CREBBP: variants seen among roughly 807,000 people sequenced by gnomAD.
The protein encoded by CREBBP is CREB-binding protein.
CREBBP carries 19 observed loss-of-function variants against 265.0 expected under a neutral mutation model. That is an observed-to-expected ratio of 0.07 (90% CI 0.05 to 0.11). CREBBP has a LOEUF of 0.11. Ranked by LOEUF, CREBBP falls within the 10% of genes least tolerant of loss-of-function variation. The pLI is 1.00. For missense variants in CREBBP, 2,525 were observed against 3,219.0 expected (o/e 0.78, Z 5.22); for synonymous variants, 1,457 against 1,223.7 (o/e 1.19, Z -3.98).
chr16:3,879,573 T>C (rs900028143), intron 1 of CREBBP, among the ~76,000 whole-genome samples: 4 of 152,100 alleles, frequency 2.6e-5, no homozygotes, highest in Non-Finnish European at 5.9e-5. Context: ...CCTCCTGGAG[T>C]GCCACTAGGG....
chr16:3,826,032 G>T (rs1272709737), intron 2 of CREBBP, among the ~76,000 whole-genome samples: 2 of 152,252 alleles, frequency 1.3e-5, no homozygotes, highest in Non-Finnish European at 2.9e-5. Context: ...GACTGGCCTA[G>T]GCCACATGGC....
intron 20 of CREBBP, among the ~76,000 whole-genome samples, chr16:3,750,387 A>T (rs192220289): frequency 6.6e-6 from 1 of 152,350 alleles, no homozygotes; most frequent in East Asian, 1.9e-4. Flanking sequence ...CTGCTGGAAG[A>T]AGCTCCTGTG....
At chr16:3,772,928 A>AG (rs1486313230) in intron 13 of CREBBP, among the ~76,000 whole-genome samples, 1 of 149,518 alleles carries the variant, frequency 6.7e-6, no homozygotes, top group East Asian at 2.0e-4. Flanking sequence ...AAAAAAAAAA[A>AG]AAAAAAAAAA....
chr16:3,736,624 C>T (rs2151328966), intron 27 of CREBBP, 26 bp downstream of exon 27: 2 of 1,614,202 alleles, frequency 1.2e-6, no homozygotes, highest in South Asian at 1.1e-5. Context: ...TGACAAAAGC[C>T]ACCACCTTCC....
chr16:3,876,148 C>A (rs75920278), intron 1 of CREBBP, among the ~76,000 whole-genome samples: 1 of 152,014 alleles, frequency 6.6e-6, no homozygotes, highest in African/African-American at 2.4e-5. Flanking sequence ...AAGCGATCCT[C>A]CTGCCACAGC....
Position 3,879,803 on chromosome 16 carries a change from GCCCCCGCCGCCCCGGA to G in CREBBP, c.85+13_85+28del, listed in dbSNP as rs1380698345. ...AGGTGGGGGTGACAGCGCGCCCCGGGCCCCCGCCGCCCCGGACCCCCTCCTCACCTGTGCTGTCATT... is the reference window on the plus strand; with the variant it reads ...AGGTGGGGGTGACAGCGCGCCCCGGGCCCCCTCCTCACCTGTGCTGTCATT... On this transcript the variant is annotated intron_variant, in intron 1 of 30. Coordinates refer to ENST00000262367, the MANE Select transcript of CREBBP (RefSeq NM_004380.3). 6.4e-7 allele frequency: 1 copy of G among 1,556,368 alleles called. No individual in the cohort carries two copies. Among genetic ancestry groups the G allele is most frequent in the Non-Finnish European group, 8.7e-7 (1 of 1,148,728 alleles).
intron 19 of CREBBP, among the ~76,000 whole-genome samples, chr16:3,756,914 A>C (rs562778672): frequency 6.6e-6 from 1 of 152,214 alleles, no homozygotes; most frequent in East Asian, 1.9e-4. Flanking sequence ...TAATCCAAGT[A>C]GTACGGCAAG....
At chr16:3,741,623 G>A (rs1412288401) in intron 23 of CREBBP, 4 of 151,016 alleles carry the variant, frequency 2.6e-5, no homozygotes, top group Non-Finnish European at 4.4e-5. Flanking sequence ...TGACCAAAAC[G>A]GAGAAACCCC....
chr16:3,747,331 G>C (rs1447745211), intron 21 of CREBBP, among the ~76,000 whole-genome samples: 3 of 152,256 alleles, frequency 2.0e-5, no homozygotes, highest in African/African-American at 7.2e-5. Flanking sequence ...GGCCCTTCAT[G>C]AAGTTAACCT....
chr16:3,800,695 G>C (rs569761499), intron 3 of CREBBP, among the ~76,000 whole-genome samples: 10 of 151,776 alleles, frequency 6.6e-5, no homozygotes, highest in African/African-American at 2.2e-4. Context: ...CCCCAGCCTG[G>C]GCAACATAGC....
chr16:3,829,810 T>G (rs577809376), intron 2 of CREBBP, among the ~76,000 whole-genome samples: 97 of 152,250 alleles, frequency 6.4e-4, no homozygotes, highest in African/African-American at 2.2e-3. Flanking sequence ...CAGGAAGATG[T>G]GACCCATAAC....
At chr16:3,860,657 T>C (rs959385117) in intron 1 of CREBBP, among the ~76,000 whole-genome samples, 1 of 152,208 alleles carries the variant, frequency 6.6e-6, no homozygotes. Context: ...TTTTTATTTG[T>C]TAATTAAAAC....
intron 1 of CREBBP, among the ~76,000 whole-genome samples, chr16:3,878,100 T>C (rs931252393): frequency 6.6e-6 from 1 of 152,228 alleles, no homozygotes; most frequent in African/African-American, 2.4e-5. Context: ...ATTGTCCCCC[T>C]TTTTAAGACA....
At chr16:3,830,013 T>C (rs1411335897) in intron 2 of CREBBP, among the ~76,000 whole-genome samples, 1 of 152,076 alleles carries the variant, frequency 6.6e-6, no homozygotes, top group East Asian at 1.9e-4. Context: ...ATAAATAAAC[T>C]AAACACTACA....
chr16:3,877,196 A>C (rs2055420301), intron 1 of CREBBP, among the ~76,000 whole-genome samples: 1 of 152,112 alleles, frequency 6.6e-6, no homozygotes, highest in South Asian at 2.1e-4. Context: ...TTCCCCTGGG[A>C]GCCTCAGAGA....
rs2151305781 is a variant in CREBBP at position 3,728,885 on chromosome 16, G to T, written c.6162C>A (p.Pro2054=). The change falls in exon 31 of 31, where the codon CCC becomes CCA. Residue 2054 remains proline (P), a synonymous_variant. Transcript: ENST00000262367. This position sits in a 1 kb window ranked among gnomAD's most constrained non-coding sequence, Gnocchi z 8.7. ...AQAAVAGPRM[P]SVQPPRSISP... ...AGATGCTCCTGGGTGGCTGCACGCTGGGCATCCGGGGCCCAGCCACGGCCG... is the reference window on the plus strand; with the variant it reads ...AGATGCTCCTGGGTGGCTGCACGCTTGGCATCCGGGGCCCAGCCACGGCCG... 1 of 1,610,716 alleles carries T rather than the reference G, an allele frequency of 6.2e-7. No individual in the cohort carries two copies. Among genetic ancestry groups the T allele is most frequent in the Non-Finnish European group, 8.5e-7 (1 of 1,179,644 alleles).
chr16:3,786,579 C>T (rs1243514530), intron 5 of CREBBP, among the ~76,000 whole-genome samples: 1 of 152,164 alleles, frequency 6.6e-6, no homozygotes, highest in Non-Finnish European at 1.5e-5. Flanking sequence ...GCAGTAGTTG[C>T]TACAGCTGAT....
Position 3,728,360 on chromosome 16 carries a change from G to A in CREBBP, c.6687C>T (p.Gly2229=), listed in dbSNP as rs764254639. ...CGGGTCCTTGAGGCTGCTGGAACTGGCCGTGCCCCGCCATGCCCCCAGCCA... is the reference window on the plus strand; with the variant it reads ...CGGGTCCTTGAGGCTGCTGGAACTGACCGTGCCCCGCCATGCCCCCAGCCA... The part of the protein sequence containing the change: ...AGMAGGMAGH[G]QFQQPQGPGG... The change falls in exon 31 of 31, where the codon GGC becomes GGT. Residue 2229 remains glycine (G), a synonymous_variant. Transcript: ENST00000262367. The surrounding 1 kb of genome is among the most constrained non-coding windows in gnomAD (Gnocchi z 8.7). 2.5e-6 allele frequency: 4 copies of A among 1,606,686 alleles called. No individual in the cohort carries two copies. The South Asian group carries it at 3.3e-5, about 13-fold the overall frequency.
In CREBBP at chr16:3,727,700, G is replaced by A. The variant is rs1333924375; in HGVS notation, c.*18C>T. The A allele has an allele frequency of 6.2e-7, 1 of 1,614,038 alleles. No individual in the cohort carries two copies. Among genetic ancestry groups the A allele is most frequent in the East Asian group, 2.2e-5 (1 of 44,880 alleles). ...AGGTCCAAGAACATGAAAGGGAAAA[G>A]GTGATGCTCTCACAATGCTACAAGC... On this transcript the variant is annotated 3_prime_UTR_variant, in exon 31 of 31. Coordinates refer to ENST00000262367, the MANE Select transcript of CREBBP (RefSeq NM_004380.3).
Sources: gnomAD v4.1 joint callset for allele counts (sites outside exome capture counted in the v4.1 genomes callset) on GRCh38, gnomAD v4.1.1 for gene constraint, Gnocchi (gnomAD v3.1) non-coding constraint, MANE v1.5 for transcripts, NCBI Gene and HGNC (gene_info 2026-07-23, HGNC 2026-07-21) for gene names.